TMCC1: variants seen among roughly 807,000 people sequenced by gnomAD.
TMCC1 encodes transmembrane and coiled-coil domains protein 1.
A neutral mutation model predicts 52.4 loss-of-function variants in TMCC1; 15 were observed. The observed-to-expected ratio is 0.29, with a 90% CI of 0.19 to 0.44. The LOEUF (loss-of-function observed/expected upper bound fraction) is 0.44, where lower values mean the gene tolerates loss of function less well. Ranked by LOEUF, TMCC1 falls within the 20% of genes least tolerant of loss-of-function variation. The pLI is 1.00. For missense variants in TMCC1, 503 were observed against 806.0 expected (o/e 0.62, Z 4.55); for synonymous variants, 279 against 301.9 (o/e 0.92, Z 0.79).
chr3:129,858,213 C>T (rs904272693), intron 2 of TMCC1, among the ~76,000 whole-genome samples: 1 of 152,236 alleles, frequency 6.6e-6, no homozygotes, highest in Non-Finnish European at 1.5e-5. Flanking sequence ...ATGTGTCCCT[C>T]TAAATGAAGG....
chr3:129,675,266 A>C (rs995799984), intron 4 of TMCC1, among the ~76,000 whole-genome samples: 4 of 152,272 alleles, frequency 2.6e-5, no homozygotes, highest in African/African-American at 9.6e-5. Context: ...GAAAGGCACA[A>C]ATCCAACAAA....
chr3:129,881,373 C>T (rs900178266), intron 1 of TMCC1, among the ~76,000 whole-genome samples: 21 of 152,036 alleles, frequency 1.4e-4, no homozygotes, highest in Admixed American at 3.9e-4. Flanking sequence ...TATCATGCAA[C>T]GAATCATAGA....
intron 2 of TMCC1, among the ~76,000 whole-genome samples, chr3:129,856,547 A>G (rs1030885752): frequency 6.6e-6 from 1 of 152,216 alleles, no homozygotes; most frequent in African/African-American, 2.4e-5. Flanking sequence ...TAATGCATTA[A>G]ATGTCAAACA....
At chr3:129,774,705 G>A (rs1052689868) in intron 4 of TMCC1, among the ~76,000 whole-genome samples, 1 of 152,184 alleles carries the variant, frequency 6.6e-6, no homozygotes, top group African/African-American at 2.4e-5. Context: ...CTTGTTTTGT[G>A]GGGAAATGGA....
chr3:129,743,475 T>A (rs2051642742), intron 4 of TMCC1, among the ~76,000 whole-genome samples: 1 of 152,216 alleles, frequency 6.6e-6, no homozygotes, highest in Non-Finnish European at 1.5e-5. Context: ...TCTGTGGAAT[T>A]AAGCAGCTAC....
At chr3:129,717,845 T>C (rs2107585384) in intron 4 of TMCC1, among the ~76,000 whole-genome samples, 1 of 152,336 alleles carries the variant, frequency 6.6e-6, no homozygotes, top group East Asian at 1.9e-4. Flanking sequence ...TATCTGTTCT[T>C]AATACTACAA....
chr3:129,876,652 T>TA (rs966009275), intron 2 of TMCC1, among the ~76,000 whole-genome samples: 12 of 150,770 alleles, frequency 8.0e-5, no homozygotes, highest in African/African-American at 1.7e-4. Context: ...TAAATAAAAT[T>TA]AAAAAAAATA....
chr3:129,665,943 C>G (rs896908485), intron 5 of TMCC1, among the ~76,000 whole-genome samples: 1 of 152,180 alleles, frequency 6.6e-6, no homozygotes, highest in African/African-American at 2.4e-5. Flanking sequence ...GTGGTAGTGG[C>G]CTTGTCACCA....
At chr3:129,755,955 G>A (rs1405589723) in intron 4 of TMCC1, among the ~76,000 whole-genome samples, 5 of 152,132 alleles carry the variant, frequency 3.3e-5, no homozygotes, top group Non-Finnish European at 7.4e-5. Flanking sequence ...AAACTCAGCT[G>A]GGCGTGGTGG....
At chr3:129,790,754 T>C (rs192980862) in intron 4 of TMCC1, among the ~76,000 whole-genome samples, 6 of 152,326 alleles carry the variant, frequency 3.9e-5, no homozygotes, top group Admixed American at 3.9e-4. Flanking sequence ...TAGAAGTTCT[T>C]TAAAAGACAG....
chr3:129,802,283 AC>A (rs2057240256), intron 4 of TMCC1, among the ~76,000 whole-genome samples: 1 of 152,200 alleles, frequency 6.6e-6, no homozygotes, highest in Non-Finnish European at 1.5e-5. Context: ...AAAATATTAC[AC>A]CTATGATTCC....
intron 4 of TMCC1, among the ~76,000 whole-genome samples, chr3:129,812,173 C>T (rs2057849060): frequency 6.6e-6 from 1 of 151,786 alleles, no homozygotes; most frequent in South Asian, 2.1e-4. Flanking sequence ...GAAACTCCAT[C>T]TCTGCTAAAT....
At chr3:129,833,348 A>G (rs1397307355) in intron 2 of TMCC1, among the ~76,000 whole-genome samples, 3 of 152,026 alleles carry the variant, frequency 2.0e-5, no homozygotes, top group Admixed American at 2.0e-4. Flanking sequence ...AGGCAGGAAG[A>G]TCATCTGAGC....
chr3:129,654,589 T>C (rs568358704), intron 6 of TMCC1, among the ~76,000 whole-genome samples: 100 of 152,320 alleles, frequency 6.6e-4, no homozygotes, highest in Admixed American at 2.6e-3. Flanking sequence ...AATGTGCCTA[T>C]ATGAGATTTG....
At chr3:129,804,900 C>T (rs571880847) in intron 4 of TMCC1, among the ~76,000 whole-genome samples, 4 of 152,214 alleles carry the variant, frequency 2.6e-5, no homozygotes, top group East Asian at 3.9e-4. Flanking sequence ...AAGAATGCTA[C>T]GGAATGAATT....
chr3:129,760,554 TA>T (rs2053476539), intron 4 of TMCC1, among the ~76,000 whole-genome samples: 1 of 151,468 alleles, frequency 6.6e-6, no homozygotes, highest in Admixed American at 6.6e-5. Flanking sequence ...CTCCGCTCAC[TA>T]CAAGCTCCGC....
Position 129,648,692 on chromosome 3 carries a change from T to TC in TMCC1, c.*2788_*2789insG, listed in dbSNP as rs1221233920. The TC allele has an allele frequency of 1.3e-5, 2 of 150,844 alleles. No homozygotes were observed. 9.3% of individuals were successfully genotyped at this position (150,844 alleles called of 1,614,324 possible). ...GGGAATGAATACAGTTTTCTTTTCT[T>TC]TTTTTTTTAGAGGAGCATTCAAATG... On this transcript the variant is annotated 3_prime_UTR_variant, in exon 7 of 7. Coordinates refer to ENST00000393238, the MANE Select transcript of TMCC1 (RefSeq NM_001017395.5).
At position 129,651,474 on chromosome 3, in the gene TMCC1, G is replaced by A. The variant is rs1245986086; in HGVS notation, c.*7C>T. 6 of 1,610,992 alleles carry A rather than the reference G, an allele frequency of 3.7e-6. No homozygotes were observed. Among genetic ancestry groups the A allele is most frequent in the Non-Finnish European group, 5.1e-6 (6 of 1,177,968 alleles). The stretch of plus-strand genomic sequence containing the variant: ...GAGGGTAGGGAACAATGCCTTCTGT[G>A]CCAGCATCATCTAGGGGATGAAAAG... On this transcript the variant is annotated 3_prime_UTR_variant, in exon 7 of 7. Transcript: ENST00000393238. This position sits in a 1 kb window ranked among gnomAD's most constrained non-coding sequence, Gnocchi z 5.1.
chr3:129,662,240 T>C (rs992461167), intron 5 of TMCC1, among the ~76,000 whole-genome samples: 1 of 152,114 alleles, frequency 6.6e-6, no homozygotes, highest in Non-Finnish European at 1.5e-5. Context: ...CACTTAATGA[T>C]GGGGACACAT....
Sources: gnomAD v4.1 joint callset for allele counts (sites outside exome capture counted in the v4.1 genomes callset) on GRCh38, gnomAD v4.1.1 for gene constraint, Gnocchi (gnomAD v3.1) non-coding constraint, MANE v1.5 for transcripts, NCBI Gene and HGNC (gene_info 2026-07-23, HGNC 2026-07-21) for gene names.